Variants in APOL1 observed in about 807,000 individuals in gnomAD.
APOL1 encodes apolipoprotein L1, also known as apolipoprotein L 1.
In APOL1, 17 loss-of-function variants were observed where a neutral mutation model predicts 14.9. The ratio of observed to expected loss-of-function variants is 1.14; its 90% CI spans 0.78 to 1.71. The LOEUF (loss-of-function observed/expected upper bound fraction) is 1.71. Ranked by LOEUF, APOL1 falls within the 40% of genes most tolerant of loss-of-function variation. The pLI is 0.00. For missense variants in APOL1, 523 were observed against 485.9 expected (o/e 1.08, Z -0.72); for synonymous variants, 195 against 184.8 (o/e 1.05, Z -0.45).
At chr22:36,254,077 C>G (rs900798168) in intron 1 of APOL1, 19 of 1,531,226 alleles carry the variant, frequency 1.2e-5, no homozygotes, top group African/African-American at 4.1e-5. Context: ...TTATTAAAAT[C>G]AAACATTTTT....
intron 4 of APOL1, among the ~76,000 whole-genome samples, chr22:36,258,032 C>T (rs975927180): frequency 6.6e-6 from 1 of 152,222 alleles, no homozygotes; most frequent in Non-Finnish European, 1.5e-5. Context: ...TCTTGAGGAT[C>T]AAATATAACA....
chr22:36,263,396 C>T (rs139776397), intron 5 of APOL1, among the ~76,000 whole-genome samples: 1 of 152,250 alleles, frequency 6.6e-6, no homozygotes, highest in African/African-American at 2.4e-5. Flanking sequence ...TGTCTGAGGG[C>T]ACCCTTACCT....
intron 4 of APOL1, chr22:36,259,863 G>A: frequency 7.7e-7 from 1 of 1,304,220 alleles, no homozygotes. Context: ...CATGGTAGTT[G>A]TACTCAATGC....
chr22:36,263,187 G>A (rs547563643), intron 5 of APOL1, among the ~76,000 whole-genome samples: 15 of 152,316 alleles, frequency 9.8e-5, no homozygotes, highest in African/African-American at 3.6e-4. Flanking sequence ...GGTGGCTGGA[G>A]CGTCCATGTG....
Position 36,257,322 on chromosome 22 carries a change from G to A in APOL1, c.102G>A (p.Val34=), listed in dbSNP as rs777297128. Residue 34 remains valine, a synonymous_variant, in exon 4 of 6, where the codon GTG becomes GTA. Transcript: ENST00000397278. ...GVRAEEAGAR[V]QQNVPSGTDT... ...AATTTGTTTTCTCCTCCTCAAGGGT[G>A]CAACAAAACGTTCCAAGTGGGACAG... The A allele has an allele frequency of 9.3e-6, 15 of 1,614,128 alleles. No homozygotes were observed. The Admixed American group carries it at 2.3e-4, about 25-fold the overall frequency.
At position 36,253,940 on chromosome 22, in the gene APOL1, G is replaced by A. The variant is rs560694017; in HGVS notation, c.-20+721G>A. 6.8e-6 allele frequency: 11 copies of A among 1,614,124 alleles called. No homozygotes were observed. The South Asian group carries it at 1.2e-4, about 18-fold the overall frequency. On this transcript the variant is annotated intron_variant, in intron 1 of 5. Coordinates refer to ENST00000397278, the MANE Select transcript of APOL1 (RefSeq NM_003661.4). Reference sequence around the variant, plus strand: ...GGGTGCGTTGCAGAATGGTGCCTGTGGCATGATGCCAGCTTTGCAATCATG... The same window carrying A: ...GGGTGCGTTGCAGAATGGTGCCTGTAGCATGATGCCAGCTTTGCAATCATG...
chr22:36,259,501 T>C (rs1419733378), intron 4 of APOL1, among the ~76,000 whole-genome samples: 1 of 152,148 alleles, frequency 6.6e-6, no homozygotes, highest in Non-Finnish European at 1.5e-5. Flanking sequence ...GGAGCCGCCC[T>C]GGACAGCAAA....
chr22:36,260,855 G>C (rs1011196509), intron 4 of APOL1, among the ~76,000 whole-genome samples: 4 of 152,194 alleles, frequency 2.6e-5, no homozygotes, highest in African/African-American at 9.7e-5. Flanking sequence ...GGTACACTCT[G>C]ATATTTTCAA....
rs539280661 is a variant in APOL1, at chr22:36,265,962, C to T, written c.1126C>T (p.Gln376Ter). ...ETAEELKKVAQELEEKLNILN... is the reference protein window; with the variant it reads ...ETAEELKKVA ...AGCTGAGGAGCTGAAGAAGGTGGCT[C>T]AGGAGCTGGAGGAGAAGCTAAACAT... Residue 376 changes from glutamine (Q) to a stop codon, truncating the protein, a stop_gained, in exon 6 of 6, where the codon CAG (glutamine) becomes TAG (stop). Coordinates refer to ENST00000397278, the MANE Select transcript of APOL1 (RefSeq NM_003661.4). LOFTEE classifies it low-confidence loss of function (END_TRUNC). The T allele has an allele frequency of 1.2e-6, 2 of 1,613,898 alleles. No homozygotes were observed. The highest frequency in any genetic ancestry group is 8.5e-7 in the Non-Finnish European group (1 of 1,180,026).
intron 4 of APOL1, among the ~76,000 whole-genome samples, chr22:36,260,190 C>T (rs1293234977): frequency 1.3e-5 from 2 of 152,150 alleles, no homozygotes; most frequent in South Asian, 2.1e-4. Flanking sequence ...GTCAGGAGAT[C>T]GAGACGATCC....
intron 2 of APOL1, among the ~76,000 whole-genome samples, chr22:36,256,687 G>A (rs2015892466): frequency 6.6e-6 from 1 of 152,246 alleles, no homozygotes; most frequent in South Asian, 2.1e-4. Flanking sequence ...CATTTACCAT[G>A]AGCGTGTATA....
chr22:36,265,240 AG>A lies in APOL1; in HGVS notation c.405del (p.Gln135HisfsTer7), dbSNP rs764668096. On this transcript the variant is annotated frameshift_variant, in exon 6 of 6. Coordinates refer to ENST00000397278, the MANE Select transcript of APOL1 (RefSeq NM_003661.4). LOFTEE classifies it low-confidence loss of function (END_TRUNC). ...KDKNWHDKGQ[Q>X]YRNWFLKEFP... ...AAAAACTGGCACGATAAAGGCCAGC[AG>A]TACAGAAACTGGTTTCTGAAAGAGT... 6.2e-7 allele frequency: 1 copy of A among 1,614,256 alleles called. No individual in the cohort carries two copies. The highest frequency in any genetic ancestry group is 8.5e-7 in the Non-Finnish European group (1 of 1,180,044).
intron 4 of APOL1, chr22:36,259,884 G>C: frequency 7.7e-7 from 1 of 1,303,184 alleles, no homozygotes; most frequent in Non-Finnish European, 1.0e-6. Flanking sequence ...TGTGGAGTTT[G>C]AGACATTATT....
intron 5 of APOL1, among the ~76,000 whole-genome samples, chr22:36,262,509 C>T (rs1028638712): frequency 1.3e-5 from 2 of 152,168 alleles, no homozygotes; most frequent in African/African-American, 4.8e-5. Flanking sequence ...TGCCCAAAGG[C>T]CCAGAGAGAC....
At chr22:36,257,174 G>A in intron 3 of APOL1, 38 bp downstream of exon 3, 1 of 1,613,714 alleles carries the variant, frequency 6.2e-7, no homozygotes, top group Non-Finnish European at 8.5e-7. Flanking sequence ...GGGGCTCAGT[G>A]ATAGACAAAC....
intron 4 of APOL1, 45 bp from the exon 5 acceptor site, chr22:36,261,551 C>T: frequency 5.0e-6 from 8 of 1,590,042 alleles, no homozygotes; most frequent in Non-Finnish European, 6.9e-6. Context: ...CTGTTATGCA[C>T]TCCCACACTT....
intron 1 of APOL1, 48 bp downstream of exon 1, chr22:36,253,267 T>A (rs1205192343): frequency 2.7e-6 from 1 of 366,376 alleles, no homozygotes; most frequent in East Asian, 8.7e-5. Flanking sequence ...TCACAGCTTT[T>A]GTAGATAAGC....
intron 5 of APOL1, among the ~76,000 whole-genome samples, chr22:36,262,362 T>A (rs1347203658): frequency 1.3e-5 from 2 of 152,284 alleles, no homozygotes; most frequent in Non-Finnish European, 2.9e-5. Context: ...CTGTGTCCAG[T>A]CCCTGGGCTC....
intron 4 of APOL1, 31 bp downstream of exon 4, chr22:36,257,438 C>T (rs755351565): frequency 5.0e-5 from 80 of 1,591,602 alleles, no homozygotes; most frequent in Non-Finnish European, 6.9e-5. Context: ...CTGCTGGTTC[C>T]TACTCGCACT....
Sources: gnomAD v4.1 joint callset for allele counts (sites outside exome capture counted in the v4.1 genomes callset) on GRCh38, gnomAD v4.1.1 for gene constraint, MANE v1.5 for transcripts, NCBI Gene and HGNC (gene_info 2026-07-23, HGNC 2026-07-21) for gene names.